Variants in GON4L observed in about 807,000 individuals in gnomAD.
GON4L encodes gon-4 like.
GON4L carries 87 observed loss-of-function variants against 211.8 expected under a neutral mutation model. That is an observed-to-expected ratio of 0.41 (90% CI 0.35 to 0.49). GON4L has a LOEUF of 0.49. Among genes scored for constraint, GON4L ranks in the 20% least tolerant of loss-of-function variants. The pLI, the probability that GON4L is intolerant of heterozygous loss-of-function variation, is 0.15. For missense variants in GON4L, 2,155 were observed against 2,659.5 expected, an observed-to-expected ratio of 0.81 and a Z score of 4.17; for synonymous variants, 875 against 962.6, an observed-to-expected ratio of 0.91 and a Z score of 1.68.
rs367680830 is a variant in GON4L, at chr1:155,754,411, C to A, written c.5595G>T (p.Lys1865Asn). ...HEGGPDSKLK[K>N]SKRRSCSHCS... ...AGTGGCTACAGCTCCGCCTTTTGCT[C>A]TTCTTCAGCTTGGAATCTGGACCTC... The change falls in exon 28 of 32, where the codon AAG becomes AAT. Residue 1865 changes from lysine (K) to asparagine (N), a missense_variant. Around this residue, in one of 6 missense-constraint regions of GON4L, gnomAD observed 455 missense variants for 504.6 expected, o/e 0.90. Transcript: ENST00000368331. 1 of 1,612,980 alleles carries A rather than the reference C, an allele frequency of 6.2e-7. No homozygotes were observed. The highest frequency in any genetic ancestry group is 1.3e-5 in the African/African-American group (1 of 74,840).
chr1:155,765,200 T>G lies in GON4L; in HGVS notation c.4273A>C (p.Ser1425Arg), dbSNP rs1662318464. ...LSSMDPEVRL[S>R]SPPGKPEDSS... Reference sequence around the variant, plus strand: ...TCTTCTGGCTTCCCTGGGGGGCTACTAAGCCTCACTTCAGGATCCATTGAG... The same window carrying G: ...TCTTCTGGCTTCCCTGGGGGGCTACGAAGCCTCACTTCAGGATCCATTGAG... Residue 1425 changes from serine (S) to arginine (R), a missense_variant, in exon 21 of 32, where the codon AGT becomes CGT. Around this residue, in one of 6 missense-constraint regions of GON4L, gnomAD observed 615 missense variants for 625.7 expected, o/e 0.98. Transcript: ENST00000368331. 1 of 1,614,236 alleles carries G rather than the reference T, an allele frequency of 6.2e-7. No homozygotes were observed. The highest frequency in any genetic ancestry group is 8.5e-7 in the Non-Finnish European group (1 of 1,180,044).
At chr1:155,776,718 T>C (rs1339662325) in intron 15 of GON4L, among the ~76,000 whole-genome samples, 1 of 151,744 alleles carries the variant, frequency 6.6e-6, no homozygotes, top group African/African-American at 2.4e-5. Flanking sequence ...GCCTGGCTAA[T>C]TTATTTTTAT....
At chr1:155,787,513 C>A (rs1309552114) in intron 12 of GON4L, among the ~76,000 whole-genome samples, 2 of 152,214 alleles carry the variant, frequency 1.3e-5, no homozygotes, top group Non-Finnish European at 2.9e-5. Flanking sequence ...TGGCTTACGC[C>A]TGTAATTCCA....
chr1:155,832,959 C>CAAAAA (rs748385680), intron 2 of GON4L: 2 of 64,782 alleles, frequency 3.1e-5, no homozygotes, highest in Admixed American at 3.6e-4. Flanking sequence ...ATCTGATTGG[C>CAAAAA]AAAAAAAAAA....
intron 10 of GON4L, among the ~76,000 whole-genome samples, chr1:155,812,985 T>A (rs1336587338): frequency 6.6e-6 from 1 of 152,138 alleles, no homozygotes; most frequent in African/African-American, 2.4e-5. Context: ...CTAAAATGAT[T>A]TAGAAAACAC....
chr1:155,758,742 G>A (rs1206170653), intron 24 of GON4L, among the ~76,000 whole-genome samples: 6 of 152,024 alleles, frequency 3.9e-5, no homozygotes, highest in East Asian at 1.9e-4. Flanking sequence ...AGATAGGTGC[G>A]GTCATGCATG....
rs549487512 is a variant in GON4L at position 155,854,743 on chromosome 1, G to C, written c.-26-937C>G. On this transcript the variant is annotated intron_variant, in intron 1 of 31. Coordinates refer to ENST00000368331, the MANE Select transcript of GON4L (RefSeq NM_001282860.2). ...CAAAGTGTGATTGTTTAAAAGGTTA[G>C]GCTATGTTGGCTGGGCACGAGATGG... Among the ~76,000 whole-genome samples the C allele has an allele frequency of 5.9e-5, 9 of 152,282 alleles. No individual in the cohort carries two copies. In the East Asian group the frequency reaches 1.7e-3, roughly 29 times the overall value.
At chr1:155,785,249 A>T (rs751666911) in intron 13 of GON4L, 85 bp downstream of exon 13, 1 of 868,634 alleles carries the variant, frequency 1.2e-6, no homozygotes, top group Non-Finnish European at 2.0e-6. Flanking sequence ...CCTCTCCTAG[A>T]GGGAGCATCA....
At chr1:155,802,632 T>C (rs766852320) in intron 11 of GON4L, among the ~76,000 whole-genome samples, 13 of 152,222 alleles carry the variant, frequency 8.5e-5, no homozygotes, top group Non-Finnish European at 1.6e-4. Flanking sequence ...TTTGATGGCA[T>C]ATCTGAGTTT....
At chr1:155,783,076 A>G (rs115033748) in intron 14 of GON4L, among the ~76,000 whole-genome samples, 2,765 of 152,246 alleles carry the variant, frequency 0.018, 87 homozygotes, top group African/African-American at 0.064. Context: ...CTATAACAGA[A>G]TTTTGTTGTA....
intron 11 of GON4L, among the ~76,000 whole-genome samples, chr1:155,800,114 G>A (rs774541894): frequency 6.6e-6 from 1 of 151,672 alleles, no homozygotes. Context: ...CAGGAAAATC[G>A]CTTGAACCTG....
chr1:155,747,943 T>C (rs551440204), downstream of GON4L: 49 of 1,559,590 alleles, frequency 3.1e-5, no homozygotes, highest in Middle Eastern at 1.5e-3. Flanking sequence ...ATTGGGAGAG[T>C]GGCTTAATGC....
chr1:155,810,710 A>G (rs1303095542), intron 10 of GON4L, among the ~76,000 whole-genome samples: 1 of 147,960 alleles, frequency 6.8e-6, no homozygotes, highest in Admixed American at 6.7e-5. Context: ...CCGTCTCAAA[A>G]AAAAAAAAAA....
At chr1:155,813,525 CTCTT>C in intron 10 of GON4L, 105 bp downstream of exon 10, 1 of 831,222 alleles carries the variant, frequency 1.2e-6, no homozygotes, top group Middle Eastern at 3.3e-4. Context: ...CAAAGACTAA[CTCTT>C]ACTTATATAA....
chr1:155,785,455 T>C, intron 12 of GON4L, 81 bp from the exon 13 acceptor site: 2 of 941,770 alleles, frequency 2.1e-6, no homozygotes, highest in Admixed American at 3.4e-5. Flanking sequence ...CAATGTATAA[T>C]GTTTTCAACA....
At chr1:155,849,552 A>G (rs1671577327) in intron 2 of GON4L, among the ~76,000 whole-genome samples, 1 of 150,750 alleles carries the variant, frequency 6.6e-6, no homozygotes, top group South Asian at 2.1e-4. Context: ...TCAAAAAAAA[A>G]AAAAAAAAAA....
intron 21 of GON4L, 92 bp downstream of exon 21, chr1:155,764,908 T>G (rs140449886): frequency 6.2e-7 from 1 of 1,607,350 alleles, no homozygotes; most frequent in Non-Finnish European, 8.5e-7. Flanking sequence ...TTTAGGACTA[T>G]CCATAGTGCA....
chr1:155,808,257 T>C (rs1667347612), intron 10 of GON4L, among the ~76,000 whole-genome samples: 1 of 152,082 alleles, frequency 6.6e-6, no homozygotes, highest in Non-Finnish European at 1.5e-5. Context: ...CAGGCTGGTC[T>C]AGAACTCCTG....
chr1:155,859,243 A>G (rs1366864932), upstream of GON4L: 2 of 153,894 alleles, frequency 1.3e-5, no homozygotes, highest in Non-Finnish European at 2.9e-5. Context: ...TTGCTGCTGT[A>G]TTAAAGCCCA....
Sources: allele counts gnomAD v4.1 joint callset (sites outside exome capture counted in the v4.1 genomes callset), GRCh38; gene constraint gnomAD v4.1.1; regional missense constraint gnomAD v4.1.1; transcripts MANE v1.5; gene names NCBI Gene and HGNC (gene_info 2026-07-23, HGNC 2026-07-21).